Variants in CCDC50 observed in about 807,000 individuals in gnomAD.
CCDC50 encodes the protein coiled-coil domain containing 50, also known as coiled-coil domain-containing protein 50.
Under a neutral mutation model 70.2 loss-of-function variants are expected in CCDC50, and 54 were observed. That is an observed-to-expected ratio of 0.77 (90% CI 0.62 to 0.96). The LOEUF (loss-of-function observed/expected upper bound fraction) is 0.96. Ranked by LOEUF, CCDC50 falls within the 50% of genes least tolerant of loss-of-function variation. The pLI is 0.00. For synonymous variants in CCDC50, 216 were observed against 198.8 expected (o/e 1.09, Z -0.73); for missense variants, 558 against 578.7 (o/e 0.96, Z 0.37).
chr3:191,362,390 A>G (rs1449478667), intron 4 of CCDC50, among the ~76,000 whole-genome samples: 1 of 152,026 alleles, frequency 6.6e-6, no homozygotes, highest in Non-Finnish European at 1.5e-5. Flanking sequence ...CTCCCAAAGC[A>G]CTGGAATTAC....
intron 3 of CCDC50, among the ~76,000 whole-genome samples, chr3:191,359,801 C>A (rs375937697): frequency 1.2e-4 from 19 of 152,260 alleles, no homozygotes; most frequent in African/African-American, 4.6e-4. Context: ...TTACATTATT[C>A]ACAATTCTCT....
chr3:191,376,221 G>A (rs989113403), intron 6 of CCDC50, among the ~76,000 whole-genome samples: 5 of 152,120 alleles, frequency 3.3e-5, no homozygotes, highest in Non-Finnish European at 7.4e-5. Context: ...TAGACCTGGA[G>A]GTGGATTCTT....
At chr3:191,331,952 C>CA (rs1350872043) in intron 1 of CCDC50, among the ~76,000 whole-genome samples, 1 of 152,014 alleles carries the variant, frequency 6.6e-6, no homozygotes, top group Non-Finnish European at 1.5e-5. Flanking sequence ...GAACCCCATT[C>CA]AAAAAAATCC....
intron 1 of CCDC50, among the ~76,000 whole-genome samples, chr3:191,356,476 C>A (rs1712285661): frequency 1.3e-5 from 2 of 152,142 alleles, no homozygotes; most frequent in African/African-American, 4.8e-5. Context: ...TTTAGAGGGA[C>A]CTAGAGACCT....
rs759367745 is a variant in CCDC50 at position 191,375,268 on chromosome 3, A to G, written c.655A>G (p.Asn219Asp). Reference sequence around the variant, plus strand: ...CAAAGGGAGGGACAATCCCCATATTAACAATGAGCAGCATGAAAGGAAACG... The same window carrying G: ...CAAAGGGAGGGACAATCCCCATATTGACAATGAGCAGCATGAAAGGAAACG... ...SGKGRDNPHI[N>D]NEQHERKRST... is the part of the protein sequence containing the mutation. The change falls in exon 6 of 12, where the codon AAC (asparagine) becomes GAC (aspartate). Residue 219 changes from asparagine to aspartate, a missense_variant. Physicochemically the swap from Asn to Asp is conservative, Grantham distance 23. Coordinates refer to ENST00000392455, the MANE Select transcript of CCDC50 (RefSeq NM_178335.3). The G allele has an allele frequency of 4.3e-6, 7 of 1,613,592 alleles. No individual in the cohort carries two copies. The highest frequency in any genetic ancestry group is 5.9e-6 in the Non-Finnish European group (7 of 1,179,810).
chr3:191,395,479 T>C lies in CCDC50; in HGVS notation c.*3719T>C, dbSNP rs545355616. Reference sequence around the variant, plus strand: ...TCTTGCCTTTGTATAAGCATCGCTTTGGGGAATACCAAGATGATTCATTAT... The same window carrying C: ...TCTTGCCTTTGTATAAGCATCGCTTCGGGGAATACCAAGATGATTCATTAT... On this transcript the variant is annotated 3_prime_UTR_variant, in exon 12 of 12. Coordinates refer to ENST00000392455, the MANE Select transcript of CCDC50 (RefSeq NM_178335.3). 2 of 152,322 alleles carry C rather than the reference T, an allele frequency of 1.3e-5. No homozygotes were observed. The highest frequency in any genetic ancestry group is 4.8e-5 in the African/African-American group (2 of 41,582). The allele number at this position is 152,322 out of a possible 1,614,324, so 9.4% of individuals were successfully genotyped here.
intron 10 of CCDC50, among the ~76,000 whole-genome samples, chr3:191,386,047 T>C (rs76050151): frequency 6.6e-6 from 1 of 152,096 alleles, no homozygotes; most frequent in African/African-American, 2.4e-5. Flanking sequence ...GTTTGAAGTC[T>C]GGTAATGTCA....
chr3:191,389,082 C>A (rs1713595620), intron 10 of CCDC50, among the ~76,000 whole-genome samples: 1 of 151,954 alleles, frequency 6.6e-6, no homozygotes. Flanking sequence ...CTTACCCTTC[C>A]TTTTTTCTTT....
intron 1 of CCDC50, 117 bp downstream of exon 1, chr3:191,329,840 G>T: frequency 9.6e-7 from 1 of 1,040,392 alleles, no homozygotes; most frequent in South Asian, 1.5e-5. Context: ...CCCGCCCTGC[G>T]TTGGCCTTGC....
At chr3:191,346,578 G>T (rs1306223210) in intron 1 of CCDC50, among the ~76,000 whole-genome samples, 1 of 152,142 alleles carries the variant, frequency 6.6e-6, no homozygotes, top group Non-Finnish European at 1.5e-5. Flanking sequence ...TATCCATAGG[G>T]TGTATAAAAA....
intron 5 of CCDC50, 80 bp from the exon 6 acceptor site, chr3:191,374,982 T>A: frequency 1.4e-6 from 2 of 1,413,028 alleles, no homozygotes; most frequent in Non-Finnish European, 2.0e-6. Context: ...GAGCCCAGAC[T>A]CCCCCCTGTG....
chr3:191,377,236 G>T (rs1713149144), intron 6 of CCDC50, among the ~76,000 whole-genome samples: 1 of 152,082 alleles, frequency 6.6e-6, no homozygotes, highest in Non-Finnish European at 1.5e-5. Context: ...CAGGTCAGAG[G>T]ATTACATTAA....
intron 1 of CCDC50, among the ~76,000 whole-genome samples, chr3:191,331,167 A>G (rs1338599817): frequency 6.6e-6 from 1 of 152,152 alleles, no homozygotes; most frequent in Non-Finnish European, 1.5e-5. Context: ...TTGTCTCTAG[A>G]GAAAGAGTGA....
At chr3:191,374,982 T>TC in intron 5 of CCDC50, 80 bp from the exon 6 acceptor site, 1 of 1,413,022 alleles carries the variant, frequency 7.1e-7, no homozygotes, top group Non-Finnish European at 9.9e-7. Flanking sequence ...GAGCCCAGAC[T>TC]CCCCCCTGTG....
intron 1 of CCDC50, among the ~76,000 whole-genome samples, chr3:191,338,873 T>C (rs771199211): frequency 7.9e-5 from 12 of 152,224 alleles, no homozygotes; most frequent in Non-Finnish European, 1.5e-4. Flanking sequence ...TTATATAAGA[T>C]GCTGGTAATT....
chr3:191,368,809 A>G (rs1014957864), intron 4 of CCDC50, among the ~76,000 whole-genome samples: 5 of 152,098 alleles, frequency 3.3e-5, no homozygotes, highest in Middle Eastern at 3.2e-3. Context: ...TGAGCCTTTA[A>G]GAATCTGATG....
At chr3:191,339,596 G>A (rs1261178600) in intron 1 of CCDC50, among the ~76,000 whole-genome samples, 2 of 152,154 alleles carry the variant, frequency 1.3e-5, no homozygotes, top group Admixed American at 6.5e-5. Flanking sequence ...CATTTAGAAC[G>A]CGTTGCAGAT....
intron 9 of CCDC50, among the ~76,000 whole-genome samples, chr3:191,382,259 C>G (rs1337113922): frequency 6.6e-6 from 1 of 152,182 alleles, no homozygotes; most frequent in Non-Finnish European, 1.5e-5. Flanking sequence ...TACAGTTCCT[C>G]TCTTGGAAAA....
At chr3:191,340,989 T>C (rs1711707926) in intron 1 of CCDC50, among the ~76,000 whole-genome samples, 1 of 146,092 alleles carries the variant, frequency 6.8e-6, no homozygotes, top group Admixed American at 6.8e-5. Flanking sequence ...GCCCAGCTAA[T>C]TAATTTTTTT....
Sources: allele counts gnomAD v4.1 joint callset (sites outside exome capture counted in the v4.1 genomes callset), GRCh38; gene constraint gnomAD v4.1.1; transcripts MANE v1.5; gene names NCBI Gene and HGNC (gene_info 2026-07-23, HGNC 2026-07-21).